The following ZNF516 variants were observed in gnomAD, a reference collection of about 807,000 sequenced individuals.
ZNF516 encodes the protein zinc finger protein 516.
A neutral mutation model predicts 79.7 loss-of-function variants in ZNF516; 19 were observed. The ratio of observed to expected loss-of-function variants is 0.24; its 90% confidence interval spans 0.17 to 0.35. The LOEUF (loss-of-function observed/expected upper bound fraction) is 0.35. Ranked by LOEUF, ZNF516 falls within the 10% of genes least tolerant of loss-of-function variation. The probability of loss-of-function intolerance (pLI) is 1.00; values close to 1 mark genes in which losing one functional copy is unlikely to be tolerated. For synonymous variants in ZNF516, 877 were observed against 739.5 expected, an observed-to-expected ratio of 1.19 and a Z score of -3.02; for missense variants, 1,678 against 1,679.5, an observed-to-expected ratio of 1.00 and a Z score of 0.02.
chr18:76,444,137 A>G (rs753894011), intron 2 of ZNF516, among the ~76,000 whole-genome samples: 1 of 152,208 alleles, frequency 6.6e-6, no homozygotes, highest in Non-Finnish European at 1.5e-5. Flanking sequence ...CAGGAATCCC[A>G]CCTGACACAG....
In ZNF516 at chr18:76,379,047, C is replaced by T. The variant is rs2074839634; in HGVS notation, c.3067G>A (p.Asp1023Asn). 3.1e-6 allele frequency: 5 copies of T among 1,610,244 alleles called. No homozygotes were observed. Among genetic ancestry groups the T allele is most frequent in the Middle Eastern group, 1.7e-4 (1 of 6,044 alleles). The change falls in exon 4 of 7, where the codon GAC (aspartate) becomes AAC (asparagine). Residue 1023 changes from aspartate to asparagine, a missense_variant. By Grantham distance (23) the Asp-to-Asn change is conservative. Transcript: ENST00000443185. Reference protein sequence around the residue: ...LATCAAGSRGDAALQAQPGVA... With the variant: ...LATCAAGSRGNAALQAQPGVA... ...CCGGGCTGGGCCTGCAAGGCCGCGT[C>T]GCCCCTGGACCCCGCAGCACAGGTG...
In ZNF516 at chr18:76,379,458, G is replaced by C; in HGVS notation, c.2656C>G (p.Arg886Gly). The C allele has an allele frequency of 6.2e-7, 1 of 1,613,532 alleles. No homozygotes were observed. The change falls in exon 4 of 7, where the codon CGA (arginine) becomes GGA (glycine). Residue 886 changes from arginine to glycine, a missense_variant. This residue lies in a region of ZNF516 where 1,294 missense variants were observed against 1,248.3 expected (regional missense o/e 1.04). Transcript: ENST00000443185. ...ALWAPGPDGY[R>G]QTKPCHGQEP... ...TGGCCGTGACAAGGTTTGGTCTGTC[G>C]ATACCCGTCAGGGCCGGGCGCCCAC...
chr18:76,489,870 T>C (rs1252270086), intron 1 of ZNF516, among the ~76,000 whole-genome samples: 2 of 152,216 alleles, frequency 1.3e-5, no homozygotes, highest in African/African-American at 4.8e-5. Flanking sequence ...CTCTCTGCAT[T>C]GTTGAAAGCT....
Position 76,442,393 on chromosome 18 carries a change from C to T in ZNF516, c.662G>A (p.Arg221Lys). The change falls in exon 3 of 7, where the codon AGG becomes AAG. Residue 221 changes from arginine to lysine, a missense_variant. Physicochemically the swap from Arg to Lys is conservative, Grantham distance 26. This residue lies in a region of ZNF516 where 279 missense variants were observed against 254.1 expected (regional missense o/e 1.10). Transcript: ENST00000443185. Reference protein sequence around the residue: ...REESLLSHIERDHITAQGPGS... With the variant: ...REESLLSHIEKDHITAQGPGS... ...GGGCCCCTGCGCGGTGATGTGGTCC[C>T]TCTCGATGTGGCTCAGCAGCGACTC... 1 of 1,608,520 alleles carries T rather than the reference C, an allele frequency of 6.2e-7. No homozygotes were observed. The highest frequency in any genetic ancestry group is 1.1e-5 in the South Asian group (1 of 91,054).
chr18:76,479,254 G>A (rs1055430948), intron 1 of ZNF516, among the ~76,000 whole-genome samples: 1 of 152,144 alleles, frequency 6.6e-6, no homozygotes. Context: ...GTCAACAGTC[G>A]TTCCAGCTCT....
Position 76,379,277 on chromosome 18 carries a change from T to C in ZNF516, c.2837A>G (p.Asn946Ser), listed in dbSNP as rs377070215. ...CCCAAACTTCTCCACAGGCTTGCTA[T>C]TGGCCGAGGGCTGCGCGCCAGCCCG... Reference protein sequence around the residue: ...IARAGAQPSANSKPVEKFGVP... With the variant: ...IARAGAQPSASSKPVEKFGVP... The change falls in exon 4 of 7, where the codon AAT becomes AGT. Residue 946 changes from asparagine to serine, a missense_variant. This residue lies in a region of ZNF516 where 1,294 missense variants were observed against 1,248.3 expected (regional missense o/e 1.04). Coordinates refer to ENST00000443185, the MANE Select transcript of ZNF516 (RefSeq NM_014643.4). 21 of 1,612,068 alleles carry C rather than the reference T, an allele frequency of 1.3e-5. No homozygotes were observed. The highest frequency in any genetic ancestry group is 2.2e-5 in the East Asian group (1 of 44,870).
At chr18:76,381,769 C>G (rs183555696) in intron 3 of ZNF516, among the ~76,000 whole-genome samples, 1 of 152,346 alleles carries the variant, frequency 6.6e-6, no homozygotes, top group African/African-American at 2.4e-5. Flanking sequence ...ATCAGCAGAA[C>G]TGGTGCGGAG....
In ZNF516 at chr18:76,441,368, C is replaced by T; in HGVS notation, c.1687G>A (p.Asp563Asn). The T allele has an allele frequency of 6.2e-7, 1 of 1,611,230 alleles. No individual in the cohort carries two copies. The change falls in exon 3 of 7, where the codon GAC (aspartate) becomes AAC (asparagine). Residue 563 changes from aspartate (D) to asparagine (N), a missense_variant. Physicochemically the swap from Asp to Asn is conservative, Grantham distance 23 (BLOSUM62 1). Transcript: ENST00000443185. ...RARCGSLSEGDSASQPSSPGS... is the reference protein window; with the variant it reads ...RARCGSLSEGNSASQPSSPGS... ...GGGCTGCTGGGCTGGGAGGCCGAGT[C>T]ACCCTCACTGAGTGATCCGCAGCGG...
intron 1 of ZNF516, among the ~76,000 whole-genome samples, chr18:76,483,395 G>T (rs189689044): frequency 3.9e-4 from 59 of 152,264 alleles, no homozygotes; most frequent in African/African-American, 1.4e-3. Flanking sequence ...TCAGAGGAAA[G>T]CACCTGCCAT....
At chr18:76,470,726 G>A (rs2145725165) in intron 1 of ZNF516, among the ~76,000 whole-genome samples, 1 of 152,302 alleles carries the variant, frequency 6.6e-6, no homozygotes, top group East Asian at 1.9e-4. Flanking sequence ...TAAAAACAGT[G>A]CCACAAGGCT....
intron 3 of ZNF516, among the ~76,000 whole-genome samples, chr18:76,407,814 C>T (rs1286557294): frequency 1.3e-5 from 2 of 152,208 alleles, no homozygotes; most frequent in Admixed American, 6.5e-5. Context: ...CTCAGAGCCC[C>T]GCCCAAGTTT....
chr18:76,468,609 G>T (rs908290837), intron 1 of ZNF516, among the ~76,000 whole-genome samples: 9 of 151,740 alleles, frequency 5.9e-5, no homozygotes, highest in African/African-American at 1.5e-4. Flanking sequence ...TTGTAGAGAC[G>T]AGGTTTCGCC....
intron 3 of ZNF516, among the ~76,000 whole-genome samples, chr18:76,412,265 A>G (rs560926952): frequency 4.6e-5 from 7 of 152,304 alleles, no homozygotes; most frequent in Non-Finnish European, 5.9e-5. Flanking sequence ...CCAGGGGAGA[A>G]CACCCTGGCG....
intron 6 of ZNF516, among the ~76,000 whole-genome samples, chr18:76,370,077 G>A (rs1314356922): frequency 2.6e-5 from 4 of 152,206 alleles, no homozygotes; most frequent in African/African-American, 4.8e-5. Flanking sequence ...CTTGCCAGTC[G>A]TGTTCGTAAT....
intron 6 of ZNF516, among the ~76,000 whole-genome samples, chr18:76,364,841 C>A (rs1373697444): frequency 6.6e-6 from 1 of 152,170 alleles, no homozygotes; most frequent in Non-Finnish European, 1.5e-5. Flanking sequence ...ACCCAACAAA[C>A]CATAAGTAAA....
intron 3 of ZNF516, among the ~76,000 whole-genome samples, chr18:76,405,754 G>A (rs576244475): frequency 2.2e-4 from 34 of 152,108 alleles, no homozygotes; most frequent in African/African-American, 7.5e-4. Context: ...TGATGAATGC[G>A]TGTGTTGTCC....
intron 1 of ZNF516, among the ~76,000 whole-genome samples, chr18:76,464,517 A>T (rs910661798): frequency 6.6e-6 from 1 of 152,260 alleles, no homozygotes; most frequent in Non-Finnish European, 1.5e-5. Flanking sequence ...CCTATGTGGA[A>T]AGGCAGGGTG....
intron 1 of ZNF516, chr18:76,492,913 A>G: frequency 1.0e-6 from 1 of 985,614 alleles, no homozygotes; most frequent in Non-Finnish European, 1.2e-6. Context: ...TAAATGCAGA[A>G]GCCTGCGGAT....
intron 4 of ZNF516, among the ~76,000 whole-genome samples, chr18:76,374,764 GT>G (rs1355437332): frequency 6.6e-6 from 1 of 152,168 alleles, no homozygotes; most frequent in African/African-American, 2.4e-5. Context: ...AGCAATAGGG[GT>G]AATCAATGAC....
Sources: gnomAD v4.1 joint callset for allele counts (sites outside exome capture counted in the v4.1 genomes callset) on GRCh38, gnomAD v4.1.1 for gene constraint, gnomAD v4.1.1 regional missense constraint, MANE v1.5 for transcripts, NCBI Gene and HGNC (gene_info 2026-07-23, HGNC 2026-07-21) for gene names.